The following MTF1 variants were observed in gnomAD, a reference collection of about 807,000 sequenced individuals.
MTF1 encodes the protein MRE-binding transcription factor.
MTF1 carries 22 observed loss-of-function variants against 70.4 expected under a neutral mutation model. The observed-to-expected ratio is 0.31, with a 90% CI of 0.22 to 0.45. The LOEUF is 0.45. Ranked by LOEUF, MTF1 falls within the 20% of genes least tolerant of loss-of-function variation. MTF1 has a pLI of 1.00. For synonymous variants in MTF1, 333 were observed against 352.8 expected (o/e 0.94, Z 0.63); for missense variants, 649 against 922.0 (o/e 0.70, Z 3.83).
intron 7 of MTF1, among the ~76,000 whole-genome samples, chr1:37,827,336 GTTA>G (rs71573764): frequency 0.2 from 29,320 of 143,902 alleles, 3,021 homozygotes; most frequent in Admixed American, 0.24. Context: ...CCTCATAGTT[GTTA>G]TTATTATTAT....
chr1:37,858,695 A>G (rs1421475848), intron 1 of MTF1, among the ~76,000 whole-genome samples: 1 of 152,240 alleles, frequency 6.6e-6, no homozygotes, highest in East Asian at 1.9e-4. Flanking sequence ...TACTATGATA[A>G]GAGTTCAGGA....
intron 2 of MTF1, among the ~76,000 whole-genome samples, chr1:37,845,282 T>C (rs925858256): frequency 2.0e-5 from 3 of 152,192 alleles, no homozygotes; most frequent in African/African-American, 4.8e-5. Flanking sequence ...ACACAGATGA[T>C]TGATAAAACA....
In MTF1 at chr1:37,813,217, C is replaced by A. The variant is rs531915664; in HGVS notation, c.*1919G>T. The A allele has an allele frequency of 1.3e-5, 2 of 151,960 alleles. No homozygotes were observed. Among genetic ancestry groups the A allele is most frequent in the Admixed American group, 6.6e-5 (1 of 15,254 alleles). The allele number at this position is 151,960 out of a possible 1,614,324, so 9.4% of individuals were successfully genotyped here. A position where few individuals can be genotyped will look rare whatever the true frequency, so the allele number is the denominator to read the frequency against. On this transcript the variant is annotated 3_prime_UTR_variant, in exon 11 of 11. Transcript: ENST00000373036. ...GCTTGAACCTGGGAAGTGGAGGTTG[C>A]GGTGAGCCAAGATTGCGCCACTGCA...
chr1:37,841,270 C>A, intron 2 of MTF1: 1 of 154,840 alleles, frequency 6.5e-6, no homozygotes, highest in South Asian at 1.8e-4. Context: ...TGATCCTGGT[C>A]AAGCTCTCCA....
chr1:37,857,768 C>G, intron 1 of MTF1, 59 bp from the exon 2 acceptor site: 1 of 996,422 alleles, frequency 1.0e-6, no homozygotes, highest in Admixed American at 2.5e-5. Flanking sequence ...ACCTCCTCAG[C>G]AACCACAAGG....
At chr1:37,816,860 AAAAAC>A (rs1014692725) in intron 10 of MTF1, among the ~76,000 whole-genome samples, 5 of 152,078 alleles carry the variant, frequency 3.3e-5, no homozygotes, top group African/African-American at 7.2e-5. Flanking sequence ...ACCTTGTCTC[AAAAAC>A]AAAACAAAAC....
At chr1:37,817,351 A>G (rs1438334707) in intron 10 of MTF1, 68 bp downstream of exon 10, 19 of 924,022 alleles carry the variant, frequency 2.1e-5, no homozygotes, top group Non-Finnish European at 2.8e-5. Flanking sequence ...GGGACAAAGC[A>G]ATAATTAGCT....
intron 7 of MTF1, among the ~76,000 whole-genome samples, chr1:37,828,033 TCAC>T (rs1448336704): frequency 6.6e-6 from 1 of 152,176 alleles, no homozygotes; most frequent in African/African-American, 2.4e-5. Flanking sequence ...TGTGGTATAT[TCAC>T]TTAGTGTAAT....
intron 2 of MTF1, chr1:37,841,539 G>C (rs1641254765): frequency 5.6e-6 from 1 of 179,050 alleles, no homozygotes; most frequent in African/African-American, 2.4e-5. Flanking sequence ...CCACCTCTAA[G>C]ACCTATAGCT....
intron 7 of MTF1, chr1:37,828,142 A>G (rs1641031820): frequency 4.9e-6 from 2 of 407,472 alleles, no homozygotes; most frequent in Non-Finnish European, 4.7e-6. Context: ...GCCACACATA[A>G]ACAAGTATAT....
chr1:37,845,340 C>T (rs942758924), intron 2 of MTF1, among the ~76,000 whole-genome samples: 3 of 152,144 alleles, frequency 2.0e-5, no homozygotes, highest in Non-Finnish European at 4.4e-5. Context: ...CTCAGCACAA[C>T]CAGCTTCACT....
Position 37,840,176 on chromosome 1 carries a change from C to A in MTF1, c.409-18G>T. 6.2e-7 allele frequency: 1 copy of A among 1,611,344 alleles called. No individual in the cohort carries two copies. Among genetic ancestry groups the A allele is most frequent in the Non-Finnish European group, 8.5e-7 (1 of 1,177,822 alleles). Reference sequence around the variant, plus strand: ...CGCTTTACCTGGCAGAGAAAAGATACCTCATCAACAGGACAAAAATGCTGC... The same window carrying A: ...CGCTTTACCTGGCAGAGAAAAGATAACTCATCAACAGGACAAAAATGCTGC... On this transcript the variant is annotated intron_variant, in intron 2 of 10. Coordinates refer to ENST00000373036, the MANE Select transcript of MTF1 (RefSeq NM_005955.3). The surrounding 1 kb of genome is among the most constrained non-coding windows in gnomAD (Gnocchi z 4.5).
chr1:37,835,482 A>T (rs1174990879), intron 5 of MTF1, among the ~76,000 whole-genome samples, 189 bp downstream of exon 5: 1 of 151,960 alleles, frequency 6.6e-6, no homozygotes, highest in Non-Finnish European at 1.5e-5. Flanking sequence ...TATTGGTTTC[A>T]TCTCTTAAGG....
In MTF1 at chr1:37,813,801, G is replaced by A. The variant is rs186592633; in HGVS notation, c.*1335C>T. 6.5e-6 allele frequency: 1 copy of A among 152,744 alleles called. No individual in the cohort carries two copies. The highest frequency in any genetic ancestry group is 2.4e-5 in the African/African-American group (1 of 41,586). The allele number at this position is 152,744 out of a possible 1,614,324, so 9.5% of individuals were successfully genotyped here. ...GTATGGATTGTATCTTTTATTTTAA[G>A]AGGCAATGACTTGGAGCCAAAGGCA... On this transcript the variant is annotated 3_prime_UTR_variant, in exon 11 of 11. Transcript: ENST00000373036.
intron 2 of MTF1, among the ~76,000 whole-genome samples, chr1:37,852,759 T>G (rs1203344132): frequency 1.3e-5 from 2 of 152,120 alleles, no homozygotes; most frequent in Non-Finnish European, 2.9e-5. Flanking sequence ...GCCTCCCAAG[T>G]GGCTGGGACT....
At chr1:37,830,839 G>A (rs1289263115) in intron 7 of MTF1, among the ~76,000 whole-genome samples, 3 of 152,142 alleles carry the variant, frequency 2.0e-5, no homozygotes, top group East Asian at 1.9e-4. Flanking sequence ...CATCCATGGC[G>A]CAGGGGTCAG....
At chr1:37,828,822 T>C (rs1641042660) in intron 7 of MTF1, among the ~76,000 whole-genome samples, 1 of 152,076 alleles carries the variant, frequency 6.6e-6, no homozygotes, top group Non-Finnish European at 1.5e-5. Flanking sequence ...CTTTCACAAG[T>C]AGAGAAGACA....
intron 2 of MTF1, among the ~76,000 whole-genome samples, chr1:37,856,233 A>G (rs1043651675): frequency 8.6e-6 from 1 of 116,902 alleles, no homozygotes; most frequent in African/African-American, 3.3e-5. Flanking sequence ...CCTGGAGTGC[A>G]GTGGCACGAT....
At chr1:37,823,652 G>A in intron 8 of MTF1, 58 bp downstream of exon 8, 1 of 1,263,324 alleles carries the variant, frequency 7.9e-7, no homozygotes, top group East Asian at 2.3e-5. Flanking sequence ...CATTGTGCCT[G>A]TGACTCAGTG....
Sources: allele counts gnomAD v4.1 joint callset (sites outside exome capture counted in the v4.1 genomes callset), GRCh38; gene constraint gnomAD v4.1.1; non-coding constraint Gnocchi (gnomAD v3.1); transcripts MANE v1.5; gene names NCBI Gene and HGNC (gene_info 2026-07-23, HGNC 2026-07-21).